The following ANKRD27 variants were observed in gnomAD, a reference collection of about 807,000 sequenced individuals.
The protein encoded by ANKRD27 is ankyrin repeat domain-containing protein 27.
In ANKRD27, 112 loss-of-function variants were observed where a neutral mutation model predicts 129.7. The ratio of observed to expected loss-of-function variants is 0.86; its 90% CI spans 0.74 to 1.01. The LOEUF is 1.01. ANKRD27 is among the 50% of genes least tolerant of loss of function. ANKRD27 has a pLI of 0.00. For synonymous variants in ANKRD27, 516 were observed against 511.2 expected (o/e 1.01, Z -0.13); for missense variants, 1,258 against 1,300.5 (o/e 0.97, Z 0.50).
In ANKRD27 at chr19:32,602,144, A is replaced by G; in HGVS notation, c.2656-18T>C. 1 of 1,414,712 alleles carries G rather than the reference A, an allele frequency of 7.1e-7. No homozygotes were observed. Among genetic ancestry groups the G allele is most frequent in the Non-Finnish European group, 1.0e-6 (1 of 1,001,134 alleles). 87.6% of individuals were successfully genotyped at this position (1,414,712 alleles called of 1,614,324 possible). A position where few individuals can be genotyped will look rare whatever the true frequency, so the allele number is the denominator to read the frequency against. ...TTTGAATTCTGCAATTTGAAAGGGA[A>G]AAGGAACAGTAATGTTTTTATTCTT... On this transcript the variant is annotated intron_variant, in intron 25 of 28. Transcript: ENST00000306065.
At chr19:32,620,284 C>T (rs1007862867) in intron 18 of ANKRD27, among the ~76,000 whole-genome samples, 5 of 151,274 alleles carry the variant, frequency 3.3e-5, no homozygotes, top group African/African-American at 9.7e-5. Context: ...GGAAGCCGGG[C>T]GAGATGACCC....
At chr19:32,600,185 G>GA in intron 26 of ANKRD27, 135 bp from the exon 27 acceptor site, 1 of 660,466 alleles carries the variant, frequency 1.5e-6, no homozygotes, top group Non-Finnish European at 2.6e-6. Flanking sequence ...TTTGCTTAAA[G>GA]AAACACAGCT....
intron 25 of ANKRD27, among the ~76,000 whole-genome samples, 154 bp from the exon 26 acceptor site, chr19:32,602,280 G>A (rs1048447884): frequency 2.6e-5 from 4 of 151,990 alleles, no homozygotes; most frequent in Non-Finnish European, 4.4e-5. Context: ...AAGCCCAGTG[G>A]TAAAAGCAGG....
intron 24 of ANKRD27, among the ~76,000 whole-genome samples, chr19:32,605,446 C>T (rs770213363): frequency 1.3e-5 from 2 of 152,226 alleles, no homozygotes; most frequent in Non-Finnish European, 2.9e-5. Flanking sequence ...TTGAGTAGCA[C>T]AGTCATGGAC....
Position 32,631,412 on chromosome 19 carries a change from C to G in ANKRD27, c.1199G>C (p.Cys400Ser). Residue 400 changes from cysteine to serine, a missense_variant, in exon 13 of 29, where the codon TGC becomes TCC. Coordinates refer to ENST00000306065, the MANE Select transcript of ANKRD27 (RefSeq NM_032139.3). ...LSQMTSSPTDCLFKHIASGNQ... is the reference protein window; with the variant it reads ...LSQMTSSPTDSLFKHIASGNQ... ...GTCTTGGTATCTCACCTTAAACAGG[C>G]AGTCGGTGGGAGACGAAGTCATCTG... 2 of 1,613,900 alleles carry G rather than the reference C, an allele frequency of 1.2e-6. No individual in the cohort carries two copies. The highest frequency in any genetic ancestry group is 8.5e-7 in the Non-Finnish European group (1 of 1,179,792).
chr19:32,658,686 G>A (rs927054458), intron 2 of ANKRD27, among the ~76,000 whole-genome samples: 9 of 152,166 alleles, frequency 5.9e-5, no homozygotes, highest in African/African-American at 1.2e-4. Context: ...AGCCACAGGC[G>A]GGGGCCAGGA....
chr19:32,626,016 AG>A, intron 16 of ANKRD27, 50 bp from the exon 17 acceptor site: 1 of 1,488,044 alleles, frequency 6.7e-7, no homozygotes, highest in Non-Finnish European at 9.0e-7. Flanking sequence ...GCTCCCTGGG[AG>A]GCCCGGCCTC....
intron 9 of ANKRD27, among the ~76,000 whole-genome samples, chr19:32,642,631 G>C (rs1279685876): frequency 1.3e-5 from 2 of 152,116 alleles, no homozygotes; most frequent in East Asian, 3.9e-4. Context: ...CCGCTACTCG[G>C]GAGGCTGAGG....
intron 3 of ANKRD27, 62 bp downstream of exon 3, chr19:32,649,620 C>G: frequency 8.9e-7 from 1 of 1,125,608 alleles, no homozygotes; most frequent in Non-Finnish European, 1.4e-6. Flanking sequence ...GGACTCTCTT[C>G]CTCCCCTCTG....
At chr19:32,632,358 C>A (rs961856374) in intron 12 of ANKRD27, among the ~76,000 whole-genome samples, 4 of 148,934 alleles carry the variant, frequency 2.7e-5, no homozygotes, top group African/African-American at 7.4e-5. Context: ...GGCCGAGGCG[C>A]GTGGATCACT....
In ANKRD27 at chr19:32,640,397, A is replaced by C; in HGVS notation, c.905-12T>G. ...GGTCTCCAGGTTCACTGCAAAGGGG[A>C]AACACACATTCAATGCCATCATGAG... is the stretch of plus-strand genomic sequence containing the variant. On this transcript the variant is annotated splice_polypyrimidine_tract_variant and intron_variant, in intron 10 of 28. Transcript: ENST00000306065. 6.2e-7 allele frequency: 1 copy of C among 1,611,308 alleles called. No homozygotes were observed. Among genetic ancestry groups the C allele is most frequent in the Non-Finnish European group, 8.5e-7 (1 of 1,177,530 alleles).
chr19:32,624,411 C>A (rs536439378), intron 17 of ANKRD27, among the ~76,000 whole-genome samples: 1 of 151,846 alleles, frequency 6.6e-6, no homozygotes, highest in African/African-American at 2.4e-5. Context: ...AGGGACTGAC[C>A]TAGAGGATCT....
At chr19:32,656,009 C>A (rs188205071) in intron 2 of ANKRD27, among the ~76,000 whole-genome samples, 27 of 131,738 alleles carry the variant, frequency 2.0e-4, no homozygotes, top group Non-Finnish European at 3.5e-4. Flanking sequence ...CACAGTGAGA[C>A]TCTGTTTCAA....
intron 1 of ANKRD27, among the ~76,000 whole-genome samples, chr19:32,673,953 C>T (rs259287): frequency 0.54 from 81,192 of 149,818 alleles, 23,298 homozygotes; most frequent in Non-Finnish European, 0.65. Context: ...TCAAGACCAG[C>T]CTAGGCAACC....
In ANKRD27 at chr19:32,643,320, G is replaced by T. The variant is rs1967237418; in HGVS notation, c.672C>A (p.Ile224=). 1 of 1,613,984 alleles carries T rather than the reference G, an allele frequency of 6.2e-7. No individual in the cohort carries two copies. Among genetic ancestry groups the T allele is most frequent in the Non-Finnish European group, 8.5e-7 (1 of 1,180,022 alleles). ...IYVHHEIYNL[I]FKYVGTMEAS... is the part of the protein sequence containing the mutation. ...CCTCCATGGTCCCCACGTATTTAAA[G>T]ATCAGGTTGTAAATTTCATGATGGA... The change falls in exon 8 of 29, where the codon ATC becomes ATA. Residue 224 remains isoleucine, a synonymous_variant. Transcript: ENST00000306065.
intron 22 of ANKRD27, among the ~76,000 whole-genome samples, chr19:32,608,888 C>T (rs1462830581): frequency 6.6e-6 from 1 of 152,068 alleles, no homozygotes; most frequent in East Asian, 1.9e-4. Flanking sequence ...ACCCAGGAGG[C>T]GAAGGTTGCA....
chr19:32,627,544 G>A (rs1013993818), intron 15 of ANKRD27, among the ~76,000 whole-genome samples: 3 of 151,916 alleles, frequency 2.0e-5, no homozygotes. Context: ...GATTATAGGC[G>A]TGACCACCAC....
chr19:32,612,807 T>C (rs768045243), intron 22 of ANKRD27, among the ~76,000 whole-genome samples: 2 of 152,060 alleles, frequency 1.3e-5, no homozygotes, highest in Admixed American at 6.6e-5. Context: ...TTAACACAAA[T>C]TGGATCATGG....
At chr19:32,639,128 G>A (rs769411418) in intron 12 of ANKRD27, 5 of 564,746 alleles carry the variant, frequency 8.9e-6, no homozygotes, top group South Asian at 4.8e-5. Flanking sequence ...AATGAAGTAG[G>A]ATATTAACAA....
Sources: gnomAD v4.1 joint callset for allele counts (sites outside exome capture counted in the v4.1 genomes callset) on GRCh38, gnomAD v4.1.1 for gene constraint, MANE v1.5 for transcripts, NCBI Gene and HGNC (gene_info 2026-07-23, HGNC 2026-07-21) for gene names.